Variants in CADPS observed in about 807,000 individuals in gnomAD.
CADPS encodes calcium dependent secretion activator.
In CADPS, 57 loss-of-function variants were observed where a neutral mutation model predicts 167.3. The observed-to-expected ratio is 0.34, with a 90% confidence interval of 0.28 to 0.42. The LOEUF is 0.42. CADPS is among the 20% of genes least tolerant of loss of function. The pLI is 1.00. For synonymous variants in CADPS, 676 were observed against 635.3 expected, an observed-to-expected ratio of 1.06 and a Z score of -0.96; for missense variants, 1,414 against 1,738.1, an observed-to-expected ratio of 0.81 and a Z score of 3.32.
intron 23 of CADPS, among the ~76,000 whole-genome samples, chr3:62,475,021 A>C (rs1018328314): frequency 6.6e-6 from 1 of 152,216 alleles, no homozygotes; most frequent in Non-Finnish European, 1.5e-5. Flanking sequence ...TTTTGCAATA[A>C]AATACATTAT....
chr3:62,853,113 G>A (rs520346), intron 1 of CADPS, among the ~76,000 whole-genome samples: 9,554 of 152,128 alleles, frequency 0.063, 1,021 homozygotes, highest in African/African-American at 0.22. Context: ...AAAATGAGCT[G>A]AATTCCTAAG....
intron 1 of CADPS, among the ~76,000 whole-genome samples, chr3:62,802,902 C>T (rs952452817): frequency 6.6e-6 from 1 of 152,044 alleles, no homozygotes; most frequent in Non-Finnish European, 1.5e-5. Context: ...TCTGTGTCCC[C>T]AAATAGGTCA....
rs149177227 is a variant in CADPS at position 62,702,693 on chromosome 3, T to C, written c.889-40299A>G. Among the ~76,000 whole-genome samples, 991 of 152,244 alleles carry C rather than the reference T, an allele frequency of 6.5e-3. 9 individuals carry two copies. The highest frequency in any genetic ancestry group is 7.3e-3 in the Non-Finnish European group (496 of 68,018). ...CAATGGTAGACATGTTTTATCTGCC[T>C]TCTTCATTATGACAGCTACTAGTCA... On this transcript the variant is annotated intron_variant, in intron 3 of 29. Transcript: ENST00000383710.
At chr3:62,552,385 A>G (rs1577653835) in intron 10 of CADPS, among the ~76,000 whole-genome samples, 1 of 152,326 alleles carries the variant, frequency 6.6e-6, no homozygotes, top group Admixed American at 6.5e-5. Flanking sequence ...TAAAAAATAA[A>G]AAATTAGTGA....
intron 3 of CADPS, among the ~76,000 whole-genome samples, chr3:62,747,709 C>T (rs1281031208): frequency 2.0e-5 from 3 of 152,156 alleles, no homozygotes; most frequent in South Asian, 2.1e-4. Context: ...CTTTCTTCTT[C>T]CTTCCAGACT....
chr3:62,600,707 C>G (rs555993174), intron 6 of CADPS, among the ~76,000 whole-genome samples: 1 of 152,254 alleles, frequency 6.6e-6, no homozygotes, highest in South Asian at 2.1e-4. Flanking sequence ...AAGTTTTGCC[C>G]CCATGGATAT....
chr3:62,427,651 C>T (rs990610886), intron 28 of CADPS, among the ~76,000 whole-genome samples: 1 of 152,040 alleles, frequency 6.6e-6, no homozygotes, highest in Non-Finnish European at 1.5e-5. Context: ...AATCACCCCC[C>T]GGTAGAAGCA....
At chr3:62,467,270 T>A (rs530046536) in intron 24 of CADPS, 1 of 1,197,692 alleles carries the variant, frequency 8.3e-7, no homozygotes, top group African/African-American at 1.6e-5. Context: ...TGCAAGACAT[T>A]GTTATTTGAA....
chr3:62,702,352 C>A (rs1321441370), intron 3 of CADPS, among the ~76,000 whole-genome samples: 2 of 152,094 alleles, frequency 1.3e-5, no homozygotes, highest in Non-Finnish European at 2.9e-5. Flanking sequence ...CTTCAAGGAG[C>A]ATGAAGACCA....
intron 11 of CADPS, among the ~76,000 whole-genome samples, chr3:62,545,383 C>T (rs1258471805): frequency 2.6e-5 from 4 of 152,024 alleles, no homozygotes; most frequent in Non-Finnish European, 5.9e-5. Context: ...GACATCATTT[C>T]CAAGGTAAGC....
At chr3:62,817,541 A>G (rs1024234770) in intron 1 of CADPS, among the ~76,000 whole-genome samples, 5 of 152,178 alleles carry the variant, frequency 3.3e-5, no homozygotes, top group African/African-American at 1.2e-4. Context: ...CTGATTTTTT[A>G]TTCCTTTAAT....
chr3:62,748,220 C>A (rs1455971161), intron 3 of CADPS, among the ~76,000 whole-genome samples: 1 of 147,030 alleles, frequency 6.8e-6, no homozygotes, highest in African/African-American at 2.5e-5. Context: ...GTGGCAGGCA[C>A]CTGTAGTCCC....
intron 16 of CADPS, 32 bp downstream of exon 16, chr3:62,516,027 A>G (rs754093366): frequency 3.1e-5 from 50 of 1,611,418 alleles, no homozygotes; most frequent in Admixed American, 1.7e-5. Flanking sequence ...TCAAAATTTA[A>G]ATTCAAAACT....
At chr3:62,699,342 G>C (rs568513335) in intron 3 of CADPS, among the ~76,000 whole-genome samples, 1 of 151,870 alleles carries the variant, frequency 6.6e-6, no homozygotes, top group East Asian at 2.0e-4. Context: ...TGGTGTCCGT[G>C]GTTCTTCTTA....
At chr3:62,427,745 T>C (rs2053054176) in intron 28 of CADPS, among the ~76,000 whole-genome samples, 2 of 152,204 alleles carry the variant, frequency 1.3e-5, no homozygotes, top group Admixed American at 1.3e-4. Flanking sequence ...GGGCAAAGAA[T>C]GAATTTTCTG....
intron 9 of CADPS, among the ~76,000 whole-genome samples, 155 bp from the exon 10 acceptor site, chr3:62,557,668 T>C (rs2078404023): frequency 6.6e-6 from 1 of 152,216 alleles, no homozygotes; most frequent in South Asian, 2.1e-4. Context: ...AGCATGTTAC[T>C]TAACCTCTCT....
rs564247662 is a variant in CADPS, at chr3:62,459,332, A to C, written c.3636+6035T>G. On this transcript the variant is annotated intron_variant, in intron 26 of 29. Transcript: ENST00000383710. Reference sequence around the variant, plus strand: ...TCGCTTAACTTCTCCAGCTGAATTGATTTTGCTAAATTCCCTGCTGAAAAC... The same window carrying C: ...TCGCTTAACTTCTCCAGCTGAATTGCTTTTGCTAAATTCCCTGCTGAAAAC... Among the ~76,000 whole-genome samples the C allele has an allele frequency of 2.0e-5, 3 of 152,240 alleles. 1 individual carries two copies. Among genetic ancestry groups the C allele is most frequent in the African/African-American group, 7.2e-5 (3 of 41,556 alleles).
At position 62,421,388 on chromosome 3, in the gene CADPS, G is replaced by A. The variant is rs1465048828; in HGVS notation, c.3777+16716C>T. Among the ~76,000 whole-genome samples, 3 of 152,210 alleles carry A rather than the reference G, an allele frequency of 2.0e-5. No individual in the cohort carries two copies. Among genetic ancestry groups the A allele is most frequent in the Non-Finnish European group, 4.4e-5 (3 of 68,040 alleles). ...GGGCAAACCTCCTAAGTTGAATGGA[G>A]TGTCTTTTGGGACCAATTTGTCTCT... On this transcript the variant is annotated intron_variant, in intron 28 of 29. Transcript: ENST00000383710. The surrounding 1 kb of genome is among the most constrained non-coding windows in gnomAD (Gnocchi z 4.7).
chr3:62,673,946 G>C (rs1228324172), intron 3 of CADPS, among the ~76,000 whole-genome samples: 2 of 152,154 alleles, frequency 1.3e-5, no homozygotes, highest in Non-Finnish European at 2.9e-5. Context: ...AAAACATCCA[G>C]TGATGTTTAA....
Sources: gnomAD v4.1 joint callset for allele counts (sites outside exome capture counted in the v4.1 genomes callset) on GRCh38, gnomAD v4.1.1 for gene constraint, Gnocchi (gnomAD v3.1) non-coding constraint, MANE v1.5 for transcripts, NCBI Gene and HGNC (gene_info 2026-07-23, HGNC 2026-07-21) for gene names.